The following BAHCC1 variants were observed in gnomAD, a reference collection of about 807,000 sequenced individuals.
BAHCC1 encodes BAH domain and coiled-coil containing 1.
In BAHCC1, 43 loss-of-function variants were observed where a neutral mutation model predicts 88.2. That is an observed-to-expected ratio of 0.49 (90% CI 0.38 to 0.63). BAHCC1 has a LOEUF of 0.63. BAHCC1 is among the 20% of genes least tolerant of loss of function. BAHCC1 has a pLI of 0.00. For missense variants in BAHCC1, 3,023 were observed against 1,654.8 expected, an observed-to-expected ratio of 1.83 and a Z score of -14.34; for synonymous variants, 1,510 against 745.5, an observed-to-expected ratio of 2.03 and a Z score of -16.71.
At chr17:81,455,210 C>G (rs542289029) in intron 14 of BAHCC1, 57 bp from the exon 15 acceptor site, 1 of 697,120 alleles carries the variant, frequency 1.4e-6, no homozygotes, top group Non-Finnish European at 2.6e-6. Context: ...AGTAGGGGGA[C>G]AAGGCTGGGG....
rs570222358 is a variant in BAHCC1, at chr17:81,442,832, G to A, written c.1483G>A (p.Glu495Lys). 149 of 779,550 alleles carry A rather than the reference G, an allele frequency of 1.9e-4. No individual in the cohort carries two copies. The highest frequency in any genetic ancestry group is 2.4e-4 in the Non-Finnish European group (101 of 417,924). The allele number at this position is 779,550 out of a possible 1,614,324, so 48.3% of individuals were successfully genotyped here. A position where few individuals can be genotyped will look rare whatever the true frequency, so the allele number is the denominator to read the frequency against. Reference sequence around the variant, plus strand: ...CGGTCTGGACAAAAGCGGCTACTTCGAGTTGCCCACCTCTTCACAGGACTG... The same window carrying A: ...CGGTCTGGACAAAAGCGGCTACTTCAAGTTGCCCACCTCTTCACAGGACTG... The part of the protein sequence containing the change: ...KSGLDKSGYF[E>K]LPTSSQDCAR... Residue 495 changes from glutamate to lysine, a missense_variant, in exon 5 of 28, where the codon GAG becomes AAG. Glu to Lys is a moderately conservative substitution (Grantham distance 56). Coordinates refer to ENST00000675386, the MANE Select transcript of BAHCC1 (RefSeq NM_001377448.1).
In BAHCC1 at chr17:81,452,043, C is replaced by G; in HGVS notation, c.4252C>G (p.Leu1418Val). The G allele has an allele frequency of 1.6e-6, 1 of 626,740 alleles. No individual in the cohort carries two copies. The highest frequency in any genetic ancestry group is 2.8e-6 in the Non-Finnish European group (1 of 356,058). 38.8% of individuals were successfully genotyped at this position (626,740 alleles called of 1,614,324 possible). Residue 1418 changes from leucine (L) to valine (V), a missense_variant, in exon 13 of 28, where the codon CTG (leucine) becomes GTG (valine). Transcript: ENST00000675386. ...GGGGATGCGCGTGCGGCTGGCGGAG[C>G]TGCAGCGGCGCTACAAGGAGAAGCA... is the stretch of plus-strand genomic sequence containing the variant. ...EVGMRVRLAE[L>V]QRRYKEKQRE...
At chr17:81,402,093 C>T (rs782298742) in intron 2 of BAHCC1, 1 of 152,406 alleles carries the variant, frequency 6.6e-6, no homozygotes, top group Non-Finnish European at 1.5e-5. Flanking sequence ...CCCAGCCTCC[C>T]CAAGCGCAGG....
Position 81,443,836 on chromosome 17 carries a change from C to T in BAHCC1, c.2243C>T (p.Ala748Val), listed in dbSNP as rs535427668. ...KGGGGPRSTHALDLEAEEERT... is the reference protein window; with the variant it reads ...KGGGGPRSTHVLDLEAEEERT... ...GGCGGTGGGCCCCGTTCCACACACG[C>T]GCTGGACCTGGAGGCTGAGGAGGAG... The change falls in exon 6 of 28, where the codon GCG becomes GTG. Residue 748 changes from alanine (A) to valine (V), a missense_variant. Physicochemically the swap from Ala to Val is moderately conservative, Grantham distance 64. Transcript: ENST00000675386. 11 of 713,282 alleles carry T rather than the reference C, an allele frequency of 1.5e-5. No individual in the cohort carries two copies. Among genetic ancestry groups the T allele is most frequent in the East Asian group, 1.1e-4 (4 of 37,274 alleles). 44.2% of individuals were successfully genotyped at this position (713,282 alleles called of 1,614,324 possible). A position where few individuals can be genotyped will look rare whatever the true frequency, so the allele number is the denominator to read the frequency against.
Position 81,438,392 on chromosome 17 carries a change from G to A in BAHCC1, c.381G>A (p.Ser127=), listed in dbSNP as rs368068781. The part of the protein sequence containing the change: ...SHEAPGYPRF[S]GSLASTFLPV... ...TAGCTCCGGGGTACCCCAGATTTTC[G>A]GGGAGTCTGGCATCCACCTTCCTAC... Residue 127 remains serine (S), a synonymous_variant, in exon 4 of 28, where the codon TCG becomes TCA. Coordinates refer to ENST00000675386, the MANE Select transcript of BAHCC1 (RefSeq NM_001377448.1). 1.2e-3 allele frequency: 958 copies of A among 778,734 alleles called. 3 individuals are homozygous for A. The African/African-American group carries it at 0.014, about 12-fold the overall frequency. The allele number at this position is 778,734 out of a possible 1,614,324, so 48.2% of individuals were successfully genotyped here.
intron 23 of BAHCC1, 113 bp downstream of exon 23, chr17:81,459,717 CT>C (rs1452005410): frequency 1.9e-6 from 1 of 522,508 alleles, no homozygotes; most frequent in Non-Finnish European, 3.8e-6. Context: ...CAGCTCTCTG[CT>C]TAGACAGAGT....
At chr17:81,458,554 GA>G in intron 18 of BAHCC1, 66 bp from the exon 19 acceptor site, 1 of 677,886 alleles carries the variant, frequency 1.5e-6, no homozygotes, top group Non-Finnish European at 2.7e-6. Context: ...GCTGGCCCCT[GA>G]GCTCTGGGTC....
intron 11 of BAHCC1, among the ~76,000 whole-genome samples, 194 bp downstream of exon 11, chr17:81,448,042 CGA>C (rs1196598881): frequency 2.0e-5 from 3 of 152,234 alleles, no homozygotes; most frequent in African/African-American, 7.2e-5. Context: ...GTGCCATCTC[CGA>C]ATCTCTCCGT....
chr17:81,424,533 G>T (rs1470192057), intron 2 of BAHCC1, among the ~76,000 whole-genome samples: 1 of 152,178 alleles, frequency 6.6e-6, no homozygotes, highest in Non-Finnish European at 1.5e-5. Flanking sequence ...GAGTGATGTG[G>T]TTATTGATGA....
intron 2 of BAHCC1, among the ~76,000 whole-genome samples, chr17:81,412,661 C>CG (rs1224419531): frequency 1.3e-5 from 2 of 152,186 alleles, no homozygotes; most frequent in Non-Finnish European, 2.9e-5. Flanking sequence ...CGTACCTTCC[C>CG]GGGGGCTCTT....
Position 81,445,458 on chromosome 17 carries a change from C to A in BAHCC1, c.2940C>A (p.Ala980=), listed in dbSNP as rs1555654068. ...CCTTAACCCCCACGGCCCCGGGCGC[C>A]CCCTCACCCGCTGCAGGCCCCACCA... ...PVALTPTAPG[A]PSPAAGPTKL... The change falls in exon 10 of 28, where the codon GCC becomes GCA. Residue 980 remains alanine, a synonymous_variant. Coordinates refer to ENST00000675386, the MANE Select transcript of BAHCC1 (RefSeq NM_001377448.1). 1.3e-6 allele frequency: 1 copy of A among 761,998 alleles called. No homozygotes were observed. Among genetic ancestry groups the A allele is most frequent in the Admixed American group, 1.7e-5 (1 of 57,180 alleles). The allele number at this position is 761,998 out of a possible 1,614,324, so 47.2% of individuals were successfully genotyped here.
chr17:81,435,768 A>C lies in BAHCC1; in HGVS notation c.359-2602A>C, dbSNP rs1555651645. 6.6e-6 allele frequency among the ~76,000 whole-genome samples: 1 copy of C among 150,996 alleles called. No homozygotes were observed. The highest frequency in any genetic ancestry group is 2.4e-5 in the African/African-American group (1 of 40,948). Reference sequence around the variant, plus strand: ...CTCCTCAGTGGCAACCCCTTCCAGGATGCCTGTGTGTCCCCGGCCCGGCCG... The same window carrying C: ...CTCCTCAGTGGCAACCCCTTCCAGGCTGCCTGTGTGTCCCCGGCCCGGCCG... On this transcript the variant is annotated intron_variant, in intron 3 of 27. Coordinates refer to ENST00000675386, the MANE Select transcript of BAHCC1 (RefSeq NM_001377448.1). This position sits in a 1 kb window ranked among gnomAD's most constrained non-coding sequence, Gnocchi z 4.4.
At chr17:81,429,445 G>A (rs1199335026) in intron 3 of BAHCC1, among the ~76,000 whole-genome samples, 3 of 152,362 alleles carry the variant, frequency 2.0e-5, no homozygotes, top group African/African-American at 4.8e-5. Flanking sequence ...TGGAGCTGCC[G>A]CGCTGTGAGC....
chr17:81,436,132 C>T (rs1430314302), intron 3 of BAHCC1, among the ~76,000 whole-genome samples: 1 of 151,872 alleles, frequency 6.6e-6, no homozygotes, highest in Non-Finnish European at 1.5e-5. Flanking sequence ...ACTCCCTCCT[C>T]CTTCCCTGGC....
chr17:81,399,796 G>A lies in BAHCC1; in HGVS notation c.57G>A (p.Leu19=). The A allele has an allele frequency of 7.9e-7, 1 of 1,270,164 alleles. No homozygotes were observed. The highest frequency in any genetic ancestry group is 2.7e-5 in the South Asian group (1 of 37,618). The allele number at this position is 1,270,164 out of a possible 1,614,324, so 78.7% of individuals were successfully genotyped here. Residue 19 remains leucine, a synonymous_variant, in exon 2 of 28, where the codon CTG becomes CTA. Transcript: ENST00000675386. The surrounding 1 kb of genome is among the most constrained non-coding windows in gnomAD (Gnocchi z 4.5). ...PPHLLSERGS[L]GHRSAAAAAR... ...ATCTGCTGTCGGAGCGCGGGAGCCT[G>A]GGCCACCGCAGCGCCGCTGCCGCCG...
intron 3 of BAHCC1, among the ~76,000 whole-genome samples, chr17:81,428,585 C>T (rs2064226551): frequency 6.6e-6 from 1 of 152,214 alleles, no homozygotes; most frequent in African/African-American, 2.4e-5. Context: ...ACCCCACTCC[C>T]TCCACCCACC....
rs1034713587 is a variant in BAHCC1, at chr17:81,446,128, C to T, written c.3163+447C>T. On this transcript the variant is annotated intron_variant, in intron 10 of 27. Transcript: ENST00000675386. The stretch of plus-strand genomic sequence containing the variant: ...GGGCCTGGCCTCGGCCCCTGCCACC[C>T]GCCCATCCACTCCCCACCAGCCTAT... 3.9e-5 allele frequency among the ~76,000 whole-genome samples: 6 copies of T among 152,242 alleles called. No individual in the cohort carries two copies. The East Asian group carries it at 5.8e-4, about 15-fold the overall frequency.
intron 4 of BAHCC1, among the ~76,000 whole-genome samples, chr17:81,440,773 G>A (rs1255210996): frequency 1.3e-5 from 2 of 152,174 alleles, no homozygotes; most frequent in Non-Finnish European, 2.9e-5. Context: ...CACCAGGCAG[G>A]GTGAGCACAG....
At position 81,444,995 on chromosome 17, in the gene BAHCC1, C is replaced by T; in HGVS notation, c.2672-20C>T. On this transcript the variant is annotated intron_variant, in intron 8 of 27. Transcript: ENST00000675386. ...GTCCCCTCCCCAGCCAGGCTGACCC[C>T]TCCTGGGCCCTGCCCACAGCGGATG... 3 of 744,038 alleles carry T rather than the reference C, an allele frequency of 4.0e-6. 1 individual carries two copies. In the South Asian group the frequency reaches 4.2e-5, roughly 11 times the overall value. The allele number at this position is 744,038 out of a possible 1,614,324, so 46.1% of individuals were successfully genotyped here.
Sources: allele counts gnomAD v4.1 joint callset (sites outside exome capture counted in the v4.1 genomes callset), GRCh38; gene constraint gnomAD v4.1.1; non-coding constraint Gnocchi (gnomAD v3.1); transcripts MANE v1.5; gene names NCBI Gene and HGNC (gene_info 2026-07-23, HGNC 2026-07-21).